TINAG: variants seen among roughly 807,000 people sequenced by gnomAD.
TINAG encodes the protein tubulointerstitial nephritis antigen.
TINAG carries 83 observed loss-of-function variants against 72.7 expected under a neutral mutation model. The observed-to-expected ratio is 1.14, with a 90% CI of 0.96 to 1.37. The LOEUF (loss-of-function observed/expected upper bound fraction) is 1.37, where lower values mean the gene tolerates loss of function less well. Among genes scored for constraint, TINAG ranks in the 40% most tolerant of loss-of-function variants. The pLI, the probability that TINAG is intolerant of heterozygous loss-of-function variation, is 0.00. For synonymous variants in TINAG, 234 were observed against 189.9 expected (o/e 1.23, Z -1.91); for missense variants, 685 against 576.6 (o/e 1.19, Z -1.93).
intron 9 of TINAG, among the ~76,000 whole-genome samples, chr6:54,377,110 C>T (rs879899887): frequency 4.6e-5 from 7 of 152,076 alleles, no homozygotes; most frequent in Admixed American, 3.3e-4. Flanking sequence ...TTAAAAGAAC[C>T]GTATTATGTG....
At chr6:54,336,546 A>G (rs1158243173) in intron 4 of TINAG, among the ~76,000 whole-genome samples, 2 of 152,214 alleles carry the variant, frequency 1.3e-5, no homozygotes, top group East Asian at 3.9e-4. Context: ...AGATAGCACC[A>G]AGAAGCTTCA....
At position 54,343,298 on chromosome 6, in the gene TINAG, G is replaced by A; in HGVS notation, c.697G>A (p.Gly233Ser). Residue 233 changes from glycine to serine, a missense_variant, in exon 5 of 11, where the codon GGC (glycine) becomes AGC (serine). Physicochemically the swap from Gly to Ser is moderately conservative, Grantham distance 56 (BLOSUM62 0). Coordinates refer to ENST00000259782, the MANE Select transcript of TINAG (RefSeq NM_014464.4). ...ASYKWPGWTH[G>S]PLDQKNCAAS... Reference sequence around the variant, plus strand: ...TTATAAATGGCCTGGATGGACTCATGGCCCATTGGATCAAAAAAATTGTGC... The same window carrying A: ...TTATAAATGGCCTGGATGGACTCATAGCCCATTGGATCAAAAAAATTGTGC... 1 of 1,574,374 alleles carries A rather than the reference G, an allele frequency of 6.4e-7. No homozygotes were observed. Among genetic ancestry groups the A allele is most frequent in the Non-Finnish European group, 8.6e-7 (1 of 1,158,216 alleles).
chr6:54,308,170 C>G (rs887825466), upstream of TINAG: 6 of 1,513,842 alleles, frequency 4.0e-6, no homozygotes, highest in African/African-American at 1.4e-5. Flanking sequence ...CAGCCATAAT[C>G]TGGGCCATGT....
intron 9 of TINAG, among the ~76,000 whole-genome samples, chr6:54,368,594 A>C (rs1233661210): frequency 1.3e-5 from 2 of 151,300 alleles, no homozygotes; most frequent in East Asian, 3.9e-4. Context: ...GTTTGATTCT[A>C]GGGTGTCTTG....
chr6:54,325,713 A>G (rs139428954), intron 3 of TINAG, among the ~76,000 whole-genome samples: 9 of 152,280 alleles, frequency 5.9e-5, no homozygotes, highest in African/African-American at 2.2e-4. Flanking sequence ...GGCAACAAAA[A>G]CATACTTACT....
At chr6:54,322,751 G>A (rs1784521760) in intron 3 of TINAG, among the ~76,000 whole-genome samples, 1 of 152,150 alleles carries the variant, frequency 6.6e-6, no homozygotes, top group South Asian at 2.1e-4. Context: ...GTGTGTGTTT[G>A]TGTTAAACCA....
chr6:54,358,629 C>G (rs1763133819), intron 9 of TINAG, among the ~76,000 whole-genome samples: 1 of 151,522 alleles, frequency 6.6e-6, no homozygotes, highest in African/African-American at 2.4e-5. Flanking sequence ...AACCTGTGCT[C>G]ATCAGATCAA....
intron 9 of TINAG, among the ~76,000 whole-genome samples, chr6:54,358,405 C>T (rs1454217288): frequency 1.3e-5 from 2 of 151,700 alleles, no homozygotes; most frequent in South Asian, 2.1e-4. Flanking sequence ...CCACTAAATA[C>T]GGTACTGATC....
In TINAG at chr6:54,378,322, G is replaced by T. The variant is rs193204109; in HGVS notation, c.1251-2204G>T. Among the ~76,000 whole-genome samples the T allele has an allele frequency of 2.1e-3, 321 of 152,182 alleles. 1 individual carries two copies. The highest frequency in any genetic ancestry group is 3.7e-3 in the Non-Finnish European group (252 of 67,992). The stretch of plus-strand genomic sequence containing the variant: ...CTCTGTCACCTCTAGTCAATGACTT[G>T]GATAATTGGTTTGGCTGCCCATTTT... On this transcript the variant is annotated intron_variant, in intron 9 of 10. Transcript: ENST00000259782.
chr6:54,343,094 T>C (rs1472421083), intron 4 of TINAG, 132 bp from the exon 5 acceptor site: 9 of 748,194 alleles, frequency 1.2e-5, no homozygotes, highest in Non-Finnish European at 1.7e-5. Flanking sequence ...CCCACATAGC[T>C]GTAGTTCATC....
intron 10 of TINAG, among the ~76,000 whole-genome samples, chr6:54,385,684 A>G (rs1764077531): frequency 6.6e-6 from 1 of 152,014 alleles, no homozygotes; most frequent in Non-Finnish European, 1.5e-5. Flanking sequence ...ATAAGACAAT[A>G]CAAAAAAGAA....
chr6:54,381,588 C>T (rs571340607), intron 10 of TINAG, among the ~76,000 whole-genome samples: 23 of 152,058 alleles, frequency 1.5e-4, no homozygotes, highest in Non-Finnish European at 2.7e-4. Context: ...AGGTATGATG[C>T]TTTTAAGTAG....
rs70983415 is a variant in TINAG, at chr6:54,360,841, G to GT, written c.1250+6236dup. The stretch of plus-strand genomic sequence containing the variant: ...GTTTCTTGTGTTTCACAGATACTGT[G>GT]TTTTTTTTTTTTTTTTTTTTTTTTT... On this transcript the variant is annotated intron_variant, in intron 9 of 10. Coordinates refer to ENST00000259782, the MANE Select transcript of TINAG (RefSeq NM_014464.4). Among the ~76,000 whole-genome samples the GT allele has an allele frequency of 6.9e-3, 181 of 26,238 alleles. 50 individuals are homozygous for GT. Among genetic ancestry groups the GT allele is most frequent in the Admixed American group, 0.034 (56 of 1,664 alleles). The allele number at this position is 26,238 out of a possible 152,430, so 17.2% of individuals were successfully genotyped here.
intron 1 of TINAG, among the ~76,000 whole-genome samples, chr6:54,315,064 TA>T (rs1288280380): frequency 6.6e-6 from 1 of 152,258 alleles, no homozygotes; most frequent in East Asian, 1.9e-4. Flanking sequence ...TTAGTTAAGA[TA>T]AAAATACAAT....
intron 4 of TINAG, 177 bp downstream of exon 4, chr6:54,327,093 A>G: frequency 6.5e-7 from 1 of 1,547,666 alleles, no homozygotes; most frequent in Non-Finnish European, 8.7e-7. Flanking sequence ...AAAGTTTCAT[A>G]TGAGATTTGC....
chr6:54,344,115 CT>C (rs1225971603), intron 5 of TINAG, among the ~76,000 whole-genome samples: 1 of 152,126 alleles, frequency 6.6e-6, no homozygotes, highest in Admixed American at 6.6e-5. Context: ...TAAAACCATG[CT>C]CTAGAGTTTG....
intron 4 of TINAG, among the ~76,000 whole-genome samples, chr6:54,330,704 G>A (rs750142534): frequency 1.5e-4 from 23 of 152,118 alleles, no homozygotes; most frequent in East Asian, 5.8e-4. Flanking sequence ...CAGATAGACC[G>A]CTAGCCAGAT....
intron 10 of TINAG, among the ~76,000 whole-genome samples, chr6:54,385,511 T>C (rs1045765842): frequency 4.6e-5 from 7 of 152,078 alleles, no homozygotes; most frequent in Admixed American, 3.9e-4. Context: ...TAAATTACTT[T>C]CACAGAGGAA....
intron 9 of TINAG, chr6:54,366,891 G>A (rs532121577): frequency 2.0e-5 from 3 of 151,654 alleles, no homozygotes; most frequent in African/African-American, 7.2e-5. Flanking sequence ...ACATATTAAA[G>A]GAATCTGAAG....
Sources: gnomAD v4.1 joint callset for allele counts (sites outside exome capture counted in the v4.1 genomes callset) on GRCh38, gnomAD v4.1.1 for gene constraint, MANE v1.5 for transcripts, NCBI Gene and HGNC (gene_info 2026-07-23, HGNC 2026-07-21) for gene names.